The following AVEN variants were observed in gnomAD, a reference collection of about 807,000 sequenced individuals.
AVEN encodes cell death regulator Aven.
Under a neutral mutation model 38.1 loss-of-function variants are expected in AVEN, and 41 were observed. The ratio of observed to expected loss-of-function variants is 1.08; its 90% confidence interval spans 0.84 to 1.40. The LOEUF (loss-of-function observed/expected upper bound fraction) is 1.40, where lower values mean the gene tolerates loss of function less well. AVEN is among the 40% of genes most tolerant of loss of function. The pLI, the probability that AVEN is intolerant of heterozygous loss-of-function variation, is 0.00. For missense variants in AVEN, 605 were observed against 438.8 expected, an observed-to-expected ratio of 1.38 and a Z score of -3.38; for synonymous variants, 206 against 171.8, an observed-to-expected ratio of 1.20 and a Z score of -1.56.
chr15:33,900,876 C>T (rs1368042884), intron 2 of AVEN, among the ~76,000 whole-genome samples: 1 of 152,182 alleles, frequency 6.6e-6, no homozygotes, highest in African/African-American at 2.4e-5. Context: ...GACGTATCTT[C>T]TACCTTTCCT....
At chr15:33,905,422 T>C (rs1005225319) in intron 2 of AVEN, among the ~76,000 whole-genome samples, 1 of 152,198 alleles carries the variant, frequency 6.6e-6, no homozygotes, top group Non-Finnish European at 1.5e-5. Flanking sequence ...GCCCAGTATC[T>C]GACATGTATT....
chr15:34,014,031 A>T (rs1567467140), intron 1 of AVEN, among the ~76,000 whole-genome samples: 1 of 152,118 alleles, frequency 6.6e-6, no homozygotes, highest in Non-Finnish European at 1.5e-5. Flanking sequence ...GTTCAAAACA[A>T]AACCCGGGGA....
chr15:34,027,528 C>CAAAA (rs35780353), intron 1 of AVEN, among the ~76,000 whole-genome samples: 58,137 of 131,884 alleles, frequency 0.44, 15,027 homozygotes, highest in Non-Finnish European at 0.58. Context: ...GACTCTGTCT[C>CAAAA]AAAAAAAAAA....
At chr15:34,038,654 AGGCGCCGGCGCCGCCGCCCGTCT>A (rs1899283370) in intron 1 of AVEN, 103 bp downstream of exon 1, 48 of 854,736 alleles carry the variant, frequency 5.6e-5, no homozygotes, top group Non-Finnish European at 5.4e-5. Context: ...CGTCCCGCGC[AGGCGCCGGCGCCGCCGCCCGTCT>A]GGCGCGCGCC....
intron 2 of AVEN, among the ~76,000 whole-genome samples, chr15:33,959,027 G>T (rs1006798661): frequency 1.3e-5 from 2 of 152,108 alleles, no homozygotes; most frequent in African/African-American, 4.8e-5. Flanking sequence ...ATCAACATCA[G>T]CAGGGTCAAG....
At chr15:34,033,018 A>G (rs74578864) in intron 1 of AVEN, among the ~76,000 whole-genome samples, 1 of 152,188 alleles carries the variant, frequency 6.6e-6, no homozygotes, top group African/African-American at 2.4e-5. Flanking sequence ...TTGATATGGC[A>G]AAACTCCAAC....
chr15:33,920,417 G>A (rs538431035), intron 2 of AVEN, among the ~76,000 whole-genome samples: 2 of 152,150 alleles, frequency 1.3e-5, no homozygotes, highest in African/African-American at 2.4e-5. Context: ...TCATATACAC[G>A]GAATCATACA....
chr15:34,073,084 A>G (rs1266840609), intron 1 of AVEN, among the ~76,000 whole-genome samples: 6 of 148,674 alleles, frequency 4.0e-5, no homozygotes, highest in African/African-American at 1.5e-4. Context: ...TCTGTCGCCC[A>G]GGCTGGAGTG....
chr15:34,061,046 T>C (rs1459936638), intron 5 of AVEN, among the ~76,000 whole-genome samples: 2 of 151,946 alleles, frequency 1.3e-5, no homozygotes, highest in Non-Finnish European at 2.9e-5. Context: ...TTTTTTTCCC[T>C]TTACCGCCCA....
chr15:33,878,696 GAA>G (rs1002462704), intron 2 of AVEN, among the ~76,000 whole-genome samples: 101 of 152,104 alleles, frequency 6.6e-4, no homozygotes, highest in African/African-American at 2.4e-3. Context: ...TATTGGCAAA[GAA>G]TACGTATTAA....
At chr15:33,938,533 C>G (rs896639146) in intron 2 of AVEN, among the ~76,000 whole-genome samples, 2 of 152,086 alleles carry the variant, frequency 1.3e-5, no homozygotes, top group Non-Finnish European at 2.9e-5. Flanking sequence ...AAGTAAAAAA[C>G]AGGCCATTGA....
At chr15:34,042,869 T>G (rs1899527767), upstream of AVEN, among the ~76,000 whole-genome samples, 5 of 152,134 alleles carry the variant, frequency 3.3e-5, no homozygotes, top group Admixed American at 2.0e-4. Flanking sequence ...AACCTGCCAG[T>G]TGATTCTGAT....
intron 1 of AVEN, among the ~76,000 whole-genome samples, chr15:34,005,352 C>T (rs1054023048): frequency 2.8e-4 from 43 of 152,132 alleles, no homozygotes; most frequent in Non-Finnish European, 4.3e-4. Flanking sequence ...TTGAATCTAG[C>T]ACAGTCCCTA....
chr15:34,072,372 G>T (rs1350233464), intron 1 of AVEN, among the ~76,000 whole-genome samples: 1 of 152,036 alleles, frequency 6.6e-6, no homozygotes, highest in South Asian at 2.1e-4. Context: ...CAGCACTTTG[G>T]GAGGCCGAGG....
intron 1 of AVEN, among the ~76,000 whole-genome samples, chr15:34,021,184 T>C (rs1304227679): frequency 6.6e-6 from 1 of 152,182 alleles, no homozygotes; most frequent in Non-Finnish European, 1.5e-5. Context: ...AAATTGCATC[T>C]TTTTCTTTTT....
chr15:33,875,971 A>C lies in AVEN; in HGVS notation c.470T>G (p.Phe157Cys), dbSNP rs1891209756. 6.2e-7 allele frequency: 1 copy of C among 1,613,650 alleles called. No individual in the cohort carries two copies. Among genetic ancestry groups the C allele is most frequent in the African/African-American group, 1.3e-5 (1 of 75,020 alleles). ...SAGDSFSQFR[F>C]AEEKEWDSEA... is the part of the protein sequence containing the mutation. ...ACTATCCCATTCTTTCTCCTCAGCA[A>C]ACCGGAACTGTGAGAATGAGTCCCC... The change falls in exon 3 of 6, where the codon TTT (phenylalanine) becomes TGT (cysteine). Residue 157 changes from phenylalanine (F) to cysteine (C), a missense_variant. Phe to Cys is a radical substitution (Grantham distance 205). Transcript: ENST00000306730.
chr15:33,936,452 A>C (rs1394087419), intron 2 of AVEN, among the ~76,000 whole-genome samples: 1 of 152,258 alleles, frequency 6.6e-6, no homozygotes, highest in Non-Finnish European at 1.5e-5. Flanking sequence ...AGACTCATGG[A>C]AACAATAACA....
At chr15:34,073,381 G>T (rs932225745) in intron 1 of AVEN, among the ~76,000 whole-genome samples, 1 of 151,610 alleles carries the variant, frequency 6.6e-6, no homozygotes, top group Non-Finnish European at 1.5e-5. Flanking sequence ...TAAACACACA[G>T]AGCTGTTAAA....
At chr15:33,871,667 A>G (rs1890956659) in intron 3 of AVEN, among the ~76,000 whole-genome samples, 1 of 151,732 alleles carries the variant, frequency 6.6e-6, no homozygotes, top group African/African-American at 2.4e-5. Flanking sequence ...ATCTAACCTG[A>G]TCTCTTCTCT....
Sources: allele counts gnomAD v4.1 joint callset (sites outside exome capture counted in the v4.1 genomes callset), GRCh38; gene constraint gnomAD v4.1.1; transcripts MANE v1.5; gene names NCBI Gene and HGNC (gene_info 2026-07-23, HGNC 2026-07-21).